The following PRSS57 variants were observed in gnomAD, a reference collection of about 807,000 sequenced individuals.
PRSS57 encodes neutrophil serine protease 4.
PRSS57 carries 19 observed loss-of-function variants against 20.6 expected under a neutral mutation model. That is an observed-to-expected ratio of 0.92 (90% CI 0.64 to 1.35). PRSS57 has a LOEUF of 1.35. Among genes scored for constraint, PRSS57 ranks in the 40% most tolerant of loss-of-function variants. PRSS57 has a pLI of 0.00. For missense variants in PRSS57, 440 were observed against 403.7 expected, an observed-to-expected ratio of 1.09 and a Z score of -0.77; for synonymous variants, 203 against 176.6, an observed-to-expected ratio of 1.15 and a Z score of -1.19.
chr19:685,995 G>A, intron 4 of PRSS57, 73 bp from the exon 5 acceptor site: 2 of 1,311,062 alleles, frequency 1.5e-6, no homozygotes, highest in Non-Finnish European at 2.1e-6. Flanking sequence ...GGCCCTCCCT[G>A]CCTCAGAACC....
intron 2 of PRSS57, among the ~76,000 whole-genome samples, chr19:693,750 T>C (rs1006931997): frequency 6.6e-6 from 1 of 151,814 alleles, no homozygotes; most frequent in African/African-American, 2.4e-5. Flanking sequence ...TTTTCGTATT[T>C]TTTTTTTGAG....
Position 687,123 on chromosome 19 carries a change from C to G in PRSS57, c.444G>C (p.Arg148Ser), listed in dbSNP as rs2031503532. Residue 148 changes from arginine to serine, a missense_variant, in exon 4 of 5, where the codon AGG becomes AGC. Physicochemically the swap from Arg to Ser is moderately radical, Grantham distance 110. Coordinates refer to ENST00000329267, the MANE Select transcript of PRSS57 (RefSeq NM_001308209.2). ...GLLRPPGRRA[R>S]PPTAGTRCRV... The stretch of plus-strand genomic sequence containing the variant: ...GGCACCGTGTCCCCGCTGTGGGGGG[C>G]CTGGCCCTTCTCCCTGGCGGCCTCA... 1 of 1,610,066 alleles carries G rather than the reference C, an allele frequency of 6.2e-7. No homozygotes were observed. Among genetic ancestry groups the G allele is most frequent in the South Asian group, 1.1e-5 (1 of 90,696 alleles).
intron 3 of PRSS57, 132 bp from the exon 4 acceptor site, chr19:687,320 G>A: frequency 9.2e-7 from 1 of 1,090,980 alleles, no homozygotes; most frequent in Admixed American, 3.1e-5. Context: ...GGCCGGGTCA[G>A]GAGGCCCCGT....
At position 694,872 on chromosome 19, in the gene PRSS57, C is replaced by T. The variant is rs368246461; in HGVS notation, c.175G>A (p.Gly59Arg). Residue 59 changes from glycine (G) to arginine (R), a missense_variant, in exon 2 of 5, where the codon GGA becomes AGA. Coordinates refer to ENST00000329267, the MANE Select transcript of PRSS57 (RefSeq NM_001308209.2). ...CAGCGGGCTCGCAGCAGGAAGCCTC[C>T]GCAGTGATGTTGGCCCCCGAAGCGC... ...SVRFGGQHHC[G>R]GFLLRARWVV... 4.7e-5 allele frequency: 75 copies of T among 1,606,228 alleles called. 1 individual carries two copies. In the African/African-American group the frequency reaches 6.1e-4, roughly 13 times the overall value.
intron 2 of PRSS57, among the ~76,000 whole-genome samples, chr19:692,635 T>G (rs536322337): frequency 1.4e-3 from 216 of 151,862 alleles, no homozygotes; most frequent in African/African-American, 5.0e-3. Flanking sequence ...CAGGCTGGTC[T>G]CGAACTCCTG....
At chr19:694,743 C>A in intron 2 of PRSS57, 71 bp downstream of exon 2, 1 of 1,490,714 alleles carries the variant, frequency 6.7e-7, no homozygotes, top group South Asian at 1.3e-5. Context: ...CCCAGCTCCC[C>A]CACCAGCCTG....
chr19:686,984 G>A lies in PRSS57; in HGVS notation c.583C>T (p.Leu195=). The A allele has an allele frequency of 6.2e-7, 1 of 1,614,098 alleles. No individual in the cohort carries two copies. Among genetic ancestry groups the A allele is most frequent in the South Asian group, 1.1e-5 (1 of 91,086 alleles). The change falls in exon 4 of 5, where the codon CTG becomes TTG. Residue 195 remains leucine (L), a synonymous_variant. Coordinates refer to ENST00000329267, the MANE Select transcript of PRSS57 (RefSeq NM_001308209.2). ...CGGGTGCAGAGCATGGTAAGTGTCA[G>A]GTGGCCCTTCCAGGAGCTGTTGCAG... The part of the protein sequence containing the change: ...DVCNSSWKGH[L]TLTMLCTRSG...
intron 2 of PRSS57, among the ~76,000 whole-genome samples, chr19:693,807 T>G (rs1011123040): frequency 6.6e-6 from 1 of 152,100 alleles, no homozygotes; most frequent in Admixed American, 6.6e-5. Context: ...TGGCGCGATC[T>G]CGGCTCACTG....
intron 2 of PRSS57, among the ~76,000 whole-genome samples, chr19:694,206 G>A (rs1392753600): frequency 6.6e-6 from 1 of 152,034 alleles, no homozygotes; most frequent in South Asian, 2.1e-4. Context: ...TGCCTGGTGG[G>A]GGCTCCTGCA....
rs1471781272 is a variant in PRSS57, at chr19:685,751, G to A, written c.814C>T (p.Pro272Ser). ...TCTCCTGGGGGCCTGGTGGTCCCAG[G>A]CAGGGGGCCGGGCTGGGGACTGCTC... is the stretch of plus-strand genomic sequence containing the variant. Reference protein sequence around the residue: ...RRSSPQPGPLPGTTRPPGEAA With the variant: ...RRSSPQPGPLSGTTRPPGEAA Residue 272 changes from proline (P) to serine (S), a missense_variant, in exon 5 of 5, where the codon CCT becomes TCT. Transcript: ENST00000329267. 6.4e-7 allele frequency: 1 copy of A among 1,559,124 alleles called. No individual in the cohort carries two copies. Among genetic ancestry groups the A allele is most frequent in the Non-Finnish European group, 8.7e-7 (1 of 1,148,358 alleles).
At chr19:686,429 A>G (rs967758502) in intron 4 of PRSS57, among the ~76,000 whole-genome samples, 1 of 152,008 alleles carries the variant, frequency 6.6e-6, no homozygotes, top group Non-Finnish European at 1.5e-5. Flanking sequence ...ATAGTGTAGC[A>G]GTTTTACAGA....
At chr19:694,048 G>C (rs576459862) in intron 2 of PRSS57, among the ~76,000 whole-genome samples, 1 of 151,950 alleles carries the variant, frequency 6.6e-6, no homozygotes, top group East Asian at 2.0e-4. Context: ...CCTAATTTTC[G>C]TATTTTTAGT....
At chr19:686,381 C>G (rs1205493781) in intron 4 of PRSS57, among the ~76,000 whole-genome samples, 1 of 151,962 alleles carries the variant, frequency 6.6e-6, no homozygotes, top group African/African-American at 2.4e-5. Context: ...ACCCTCCTGC[C>G]ATCTAGAATC....
In PRSS57 at chr19:695,002, G is replaced by A. The variant is rs78743093; in HGVS notation, c.80-35C>T. 66 of 1,489,166 alleles carry A rather than the reference G, an allele frequency of 4.4e-5. No individual in the cohort carries two copies. In the South Asian group the frequency reaches 7.2e-4, roughly 16 times the overall value. The allele number at this position is 1,489,166 out of a possible 1,614,324, so 92.2% of individuals were successfully genotyped here. Reference sequence around the variant, plus strand: ...GGACGGCCTGAGTCAGGGACGAGGCGGGAGGAACGGATGACGGGGCTGGGG... The same window carrying A: ...GGACGGCCTGAGTCAGGGACGAGGCAGGAGGAACGGATGACGGGGCTGGGG... On this transcript the variant is annotated intron_variant, in intron 1 of 4. Coordinates refer to ENST00000329267, the MANE Select transcript of PRSS57 (RefSeq NM_001308209.2).
chr19:695,374 C>T lies in PRSS57; in HGVS notation c.57G>A (p.Leu19=). 1 of 1,282,338 alleles carries T rather than the reference C, an allele frequency of 7.8e-7. No individual in the cohort carries two copies. Among genetic ancestry groups the T allele is most frequent in the Non-Finnish European group, 9.9e-7 (1 of 1,009,780 alleles). The allele number at this position is 1,282,338 out of a possible 1,614,324, so 79.4% of individuals were successfully genotyped here. A position where few individuals can be genotyped will look rare whatever the true frequency, so the allele number is the denominator to read the frequency against. The part of the protein sequence containing the change: ...GRPLLTVATA[L]MLPVKPPGSW... The stretch of plus-strand genomic sequence containing the variant: ...CACCGGGGGGCTTCACGGGCAGCAT[C>T]AGGGCGGTGGCCACAGTCAGCAGAG... The change falls in exon 1 of 5, where the codon CTG becomes CTA. Residue 19 remains leucine, a synonymous_variant. Transcript: ENST00000329267.
At chr19:692,570 C>A (rs900632499) in intron 2 of PRSS57, among the ~76,000 whole-genome samples, 7 of 151,558 alleles carry the variant, frequency 4.6e-5, no homozygotes, top group Admixed American at 2.0e-4. Context: ...GCGTGCGCCA[C>A]CACTCCCAGC....
intron 3 of PRSS57, 97 bp downstream of exon 3, chr19:691,761 G>A: frequency 1.7e-6 from 2 of 1,160,330 alleles, no homozygotes; most frequent in Non-Finnish European, 2.2e-6. Flanking sequence ...TGAGGTTGCA[G>A]TGAGCCGAGA....
intron 3 of PRSS57, chr19:691,150 C>A (rs567785659): frequency 9.6e-6 from 2 of 208,774 alleles, no homozygotes; most frequent in East Asian, 1.0e-4. Context: ...TGCAGACGCC[C>A]GGCTCCAGCT....
chr19:685,901 C>A lies in PRSS57; in HGVS notation c.664G>T (p.Val222Leu), dbSNP rs767431040. ...FCSADSGGPLVCRNRAHGLVS... is the reference protein window; with the variant it reads ...FCSADSGGPLLCRNRAHGLVS... ...AGGCCGTGAGCCCGGTTCCTGCACA[C>A]CAGGGGCCCTCCGGAGTCGGCCTGG... The change falls in exon 5 of 5, where the codon GTG (valine) becomes TTG (leucine). Residue 222 changes from valine to leucine, a missense_variant. Physicochemically the swap from Val to Leu is conservative, Grantham distance 32 (BLOSUM62 1). Transcript: ENST00000329267. 1 of 1,547,114 alleles carries A rather than the reference C, an allele frequency of 6.5e-7. No individual in the cohort carries two copies. Among genetic ancestry groups the A allele is most frequent in the Non-Finnish European group, 8.7e-7 (1 of 1,144,996 alleles).
Sources: gnomAD v4.1 joint callset for allele counts (sites outside exome capture counted in the v4.1 genomes callset) on GRCh38, gnomAD v4.1.1 for gene constraint, MANE v1.5 for transcripts, NCBI Gene and HGNC (gene_info 2026-07-23, HGNC 2026-07-21) for gene names.